SPRR2G: variants seen among roughly 807,000 people sequenced by gnomAD.
The protein encoded by SPRR2G is small proline-rich protein 2G.
Under a neutral mutation model 0.7 loss-of-function variants are expected in SPRR2G, and 1 was observed. The ratio of observed to expected loss-of-function variants is 1.49; its 90% confidence interval spans 0.53 to 7.06. The LOEUF (loss-of-function observed/expected upper bound fraction) is 7.06. Among genes scored for constraint, SPRR2G ranks in the 30% most tolerant of loss-of-function variants. The pLI, the probability that SPRR2G is intolerant of heterozygous loss-of-function variation, is 0.14. For missense variants in SPRR2G, 96 were observed against 88.5 expected, an observed-to-expected ratio of 1.09 and a Z score of -0.34; for synonymous variants, 38 against 33.9, an observed-to-expected ratio of 1.12 and a Z score of -0.42.
chr1:153,192,708 C>G, the SPRR2G span, among the ~76,000 whole-genome samples: 1 of 152,208 alleles, frequency 6.6e-6, no homozygotes, highest in East Asian at 1.9e-4. Flanking sequence ...CTAAATTTTT[C>G]TCAAGCTCTT....
At chr1:153,154,866 T>C (rs1249679931), upstream of SPRR2G, among the ~76,000 whole-genome samples, 1 of 152,202 alleles carries the variant, frequency 6.6e-6, no homozygotes, top group Non-Finnish European at 1.5e-5. Flanking sequence ...CACCATCTAC[T>C]GAAATTATTC....
the SPRR2G span, chr1:153,176,498 C>T: frequency 6.6e-6 from 1 of 152,030 alleles, no homozygotes; most frequent in Admixed American, 6.6e-5. Flanking sequence ...AAAGTATTTC[C>T]CCAACAATTT....
chr1:153,178,975 A>G, the SPRR2G span, among the ~76,000 whole-genome samples: 1 of 152,316 alleles, frequency 6.6e-6, no homozygotes, highest in South Asian at 2.1e-4. Context: ...TGTCTCAGTC[A>G]GGGTACAATG....
chr1:153,201,803 A>G, the SPRR2G span, among the ~76,000 whole-genome samples: 6 of 152,236 alleles, frequency 3.9e-5, no homozygotes, highest in Non-Finnish European at 8.8e-5. Context: ...ACACTTGTTA[A>G]ACTGAAATGA....
the SPRR2G span, among the ~76,000 whole-genome samples, chr1:153,192,614 C>A: frequency 6.6e-6 from 1 of 152,154 alleles, no homozygotes; most frequent in Admixed American, 6.5e-5. Flanking sequence ...CAGGAATGTA[C>A]CTGCTGGTTG....
chr1:153,188,721 T>A, the SPRR2G span, among the ~76,000 whole-genome samples: 6 of 152,002 alleles, frequency 3.9e-5, no homozygotes, highest in African/African-American at 1.5e-4. Context: ...CACTGGTGTA[T>A]GAAAAAAAAC....
chr1:153,170,187 A>G, the SPRR2G span, among the ~76,000 whole-genome samples: 1 of 152,196 alleles, frequency 6.6e-6, no homozygotes, highest in South Asian at 2.1e-4. Flanking sequence ...GACTTAAAGT[A>G]CTCTAAAATT....
At chr1:153,201,684 T>G in the SPRR2G span, among the ~76,000 whole-genome samples, 2 of 152,264 alleles carry the variant, frequency 1.3e-5, no homozygotes, top group Non-Finnish European at 2.9e-5. Flanking sequence ...CATTCTCCTC[T>G]TTTATTTAGG....
At chr1:153,201,340 T>C in the SPRR2G span, among the ~76,000 whole-genome samples, 1 of 152,206 alleles carries the variant, frequency 6.6e-6, no homozygotes, top group South Asian at 2.1e-4. Flanking sequence ...ATACTTTGAT[T>C]CACTGAGAAC....
chr1:153,193,819 C>T, the SPRR2G span, among the ~76,000 whole-genome samples: 4 of 152,154 alleles, frequency 2.6e-5, no homozygotes, highest in Non-Finnish European at 5.9e-5. Flanking sequence ...CTCACTCCCA[C>T]ATCTCCATCC....
chr1:153,196,028 C>T, the SPRR2G span, among the ~76,000 whole-genome samples: 1 of 152,198 alleles, frequency 6.6e-6, no homozygotes, highest in African/African-American at 2.4e-5. Context: ...CTTCCCCTTC[C>T]TTATCCTCTT....
At chr1:153,202,178 C>T in the SPRR2G span, among the ~76,000 whole-genome samples, 2 of 152,204 alleles carry the variant, frequency 1.3e-5, no homozygotes, top group East Asian at 3.8e-4. Context: ...ACAGAAAAAG[C>T]GTGCTGATGT....
At chr1:153,197,906 C>T in the SPRR2G span, among the ~76,000 whole-genome samples, 1 of 152,194 alleles carries the variant, frequency 6.6e-6, no homozygotes, top group South Asian at 2.1e-4. Context: ...TAACTATTGC[C>T]TGGCCAACAT....
In SPRR2G at chr1:153,150,103, T is replaced by C. The variant is rs150159827; in HGVS notation, c.8A>G (p.Tyr3Cys). The change falls in exon 2 of 2, where the codon TAC (tyrosine) becomes TGC (cysteine). Residue 3 changes from tyrosine (Y) to cysteine (C), a missense_variant. By Grantham distance (194) the Tyr-to-Cys change is radical. Transcript: ENST00000368748. ...GGGCTGCTTGCACTGCTGCTGCTGG[T>C]AAGACATCTCTCCTCAGTCTCAGAG... MS[Y>C]QQQQCKQPCQ... 34 of 1,612,296 alleles carry C rather than the reference T, an allele frequency of 2.1e-5. No homozygotes were observed. In the African/African-American group the frequency reaches 3.9e-4, roughly 18 times the overall value.
chr1:153,153,809 T>C (rs1656522370), upstream of SPRR2G, among the ~76,000 whole-genome samples: 1 of 152,138 alleles, frequency 6.6e-6, no homozygotes, highest in Non-Finnish European at 1.5e-5. Flanking sequence ...CTACATAATA[T>C]GCCTTTAAGT....
At chr1:153,158,560 A>G in the SPRR2G span, among the ~76,000 whole-genome samples, 1 of 152,222 alleles carries the variant, frequency 6.6e-6, no homozygotes, top group Non-Finnish European at 1.5e-5. Flanking sequence ...TTCTAGGTGC[A>G]CGGTGCAAGC....
the SPRR2G span, among the ~76,000 whole-genome samples, chr1:153,193,333 G>A: frequency 6.6e-6 from 1 of 152,228 alleles, no homozygotes; most frequent in Admixed American, 6.5e-5. Context: ...CCCACACTTA[G>A]CTCTGTGCCT....
the SPRR2G span, chr1:153,191,762 C>T: frequency 2.0e-5 from 3 of 152,172 alleles, no homozygotes; most frequent in African/African-American, 7.2e-5. Context: ...TAGGCCAGGT[C>T]TCCAGGGTCT....
At chr1:153,183,006 G>A in the SPRR2G span, among the ~76,000 whole-genome samples, 1 of 151,346 alleles carries the variant, frequency 6.6e-6, no homozygotes, top group Non-Finnish European at 1.5e-5. Flanking sequence ...CACCAACAGT[G>A]TAAAAGTGTT....
Sources: gnomAD v4.1 joint callset for allele counts (sites outside exome capture counted in the v4.1 genomes callset) on GRCh38, gnomAD v4.1.1 for gene constraint, MANE v1.5 for transcripts, NCBI Gene and HGNC (gene_info 2026-07-23, HGNC 2026-07-21) for gene names.